The following PKIA variants were observed in gnomAD, a reference collection of about 807,000 sequenced individuals.
PKIA encodes the protein PKI-alpha.
In PKIA, 4 loss-of-function variants were observed where a neutral mutation model predicts 7.6. The ratio of observed to expected loss-of-function variants is 0.52; its 90% CI spans 0.26 to 1.20. The LOEUF (loss-of-function observed/expected upper bound fraction) is 1.20. Ranked by LOEUF, PKIA falls within the 50% of genes most tolerant of loss-of-function variation. PKIA has a pLI of 0.13. For missense variants in PKIA, 73 were observed against 86.2 expected, an observed-to-expected ratio of 0.85 and a Z score of 0.61; for synonymous variants, 21 against 30.7, an observed-to-expected ratio of 0.68 and a Z score of 1.04.
At chr8:78,537,539 G>A (rs117128341) in intron 1 of PKIA, among the ~76,000 whole-genome samples, 4,748 of 152,026 alleles carry the variant, frequency 0.031, 106 homozygotes, top group Middle Eastern at 0.041. Flanking sequence ...GTTTCTATGC[G>A]ATAACCGATA....
chr8:78,580,803 TA>T (rs1309720876), intron 2 of PKIA, among the ~76,000 whole-genome samples: 2 of 152,040 alleles, frequency 1.3e-5, no homozygotes, highest in Non-Finnish European at 2.9e-5. Context: ...TGAAGTATGA[TA>T]TAGGCAAAAG....
chr8:78,548,672 A>C (rs955411881), intron 1 of PKIA, among the ~76,000 whole-genome samples: 48 of 152,238 alleles, frequency 3.2e-4, no homozygotes, highest in Non-Finnish European at 1.0e-4. Flanking sequence ...TAATTTCTGG[A>C]GACAAATAGG....
At chr8:78,597,589 C>A (rs961044723) in intron 2 of PKIA, among the ~76,000 whole-genome samples, 1 of 151,784 alleles carries the variant, frequency 6.6e-6, no homozygotes, top group Non-Finnish European at 1.5e-5. Context: ...TTAGCACCCC[C>A]CACCTGATCT....
At position 78,602,580 on chromosome 8, in the gene PKIA, G is replaced by A. The variant is rs1808374305; in HGVS notation, c.*759G>A. 6.6e-6 allele frequency: 1 copy of A among 151,944 alleles called. No homozygotes were observed. The highest frequency in any genetic ancestry group is 2.4e-5 in the African/African-American group (1 of 41,220). 9.4% of individuals were successfully genotyped at this position (151,944 alleles called of 1,614,324 possible). A position where few individuals can be genotyped will look rare whatever the true frequency, so the allele number is the denominator to read the frequency against. On this transcript the variant is annotated 3_prime_UTR_variant, in exon 4 of 4. Transcript: ENST00000396418. Reference sequence around the variant, plus strand: ...CCATTGCTTTATTATAGAGACATTTGAAAATATCCATTAATGTGAATATCA... The same window carrying A: ...CCATTGCTTTATTATAGAGACATTTAAAAATATCCATTAATGTGAATATCA...
intron 1 of PKIA, among the ~76,000 whole-genome samples, chr8:78,543,239 G>A (rs1806740695): frequency 6.6e-6 from 1 of 152,188 alleles, no homozygotes; most frequent in South Asian, 2.1e-4. Flanking sequence ...CAGATTCCTT[G>A]TAGCATTGCT....
intron 1 of PKIA, among the ~76,000 whole-genome samples, chr8:78,522,689 A>G (rs1178743126): frequency 6.6e-6 from 1 of 151,966 alleles, no homozygotes; most frequent in Non-Finnish European, 1.5e-5. Flanking sequence ...AAAGTGCATC[A>G]TAGATGTCAG....
intron 1 of PKIA, among the ~76,000 whole-genome samples, chr8:78,551,847 C>T (rs982447285): frequency 6.6e-6 from 1 of 151,896 alleles, no homozygotes; most frequent in Admixed American, 6.6e-5. Flanking sequence ...ATCTCTGTTT[C>T]CTTGGTTTTA....
intron 1 of PKIA, among the ~76,000 whole-genome samples, chr8:78,565,041 C>A (rs770897524): frequency 6.6e-6 from 1 of 150,854 alleles, no homozygotes; most frequent in Non-Finnish European, 1.5e-5. Context: ...TTTTTTTGGC[C>A]CCTTTTTAAA....
At chr8:78,599,359 A>G (rs1404761878) in intron 3 of PKIA, among the ~76,000 whole-genome samples, 3 of 152,096 alleles carry the variant, frequency 2.0e-5, no homozygotes, top group Non-Finnish European at 4.4e-5. Context: ...AGCACTTATC[A>G]CAGTTTCTGA....
chr8:78,525,440 A>C (rs1016951923), intron 1 of PKIA, among the ~76,000 whole-genome samples: 1 of 152,022 alleles, frequency 6.6e-6, no homozygotes, highest in Non-Finnish European at 1.5e-5. Context: ...CTATTTCACC[A>C]CAAAATTCAA....
intron 1 of PKIA, among the ~76,000 whole-genome samples, chr8:78,551,500 T>C (rs151305135): frequency 6.6e-6 from 1 of 152,198 alleles, no homozygotes; most frequent in East Asian, 1.9e-4. Context: ...GCTGTAAACT[T>C]AAACTGTAAT....
At chr8:78,545,712 A>C (rs1294424408) in intron 1 of PKIA, among the ~76,000 whole-genome samples, 1 of 152,144 alleles carries the variant, frequency 6.6e-6, no homozygotes, top group Non-Finnish European at 1.5e-5. Flanking sequence ...GGAGATTTAA[A>C]GTATTTTTCT....
intron 2 of PKIA, among the ~76,000 whole-genome samples, chr8:78,575,178 A>G (rs1807644262): frequency 1.3e-5 from 2 of 151,994 alleles, no homozygotes; most frequent in Non-Finnish European, 2.9e-5. Flanking sequence ...GTTATGAAAC[A>G]TAATAAAAAT....
At chr8:78,597,668 A>G (rs772354284) in intron 2 of PKIA, among the ~76,000 whole-genome samples, 5 of 152,232 alleles carry the variant, frequency 3.3e-5, no homozygotes, top group Admixed American at 2.0e-4. Context: ...AATGTAAACT[A>G]AATGTCAACA....
intron 1 of PKIA, among the ~76,000 whole-genome samples, chr8:78,569,394 T>C (rs1256983725): frequency 6.6e-6 from 1 of 152,112 alleles, no homozygotes; most frequent in African/African-American, 2.4e-5. Flanking sequence ...GCTAAACTTC[T>C]ACCTCATCTG....
chr8:78,580,443 G>A (rs986358384), intron 2 of PKIA, among the ~76,000 whole-genome samples: 3 of 151,882 alleles, frequency 2.0e-5, no homozygotes, highest in East Asian at 1.9e-4. Flanking sequence ...AAAGCCATTC[G>A]ATGAGGCCTA....
intron 1 of PKIA, among the ~76,000 whole-genome samples, chr8:78,536,785 T>C (rs543677725): frequency 6.6e-6 from 1 of 151,860 alleles, no homozygotes; most frequent in South Asian, 2.1e-4. Flanking sequence ...GATTACAAAA[T>C]AGATTACAAC....
At chr8:78,560,029 TATC>T (rs1293293255) in intron 1 of PKIA, among the ~76,000 whole-genome samples, 8 of 152,234 alleles carry the variant, frequency 5.3e-5, no homozygotes, top group African/African-American at 1.9e-4. Context: ...GCATATTTGA[TATC>T]ATTTTGACTT....
chr8:78,577,120 T>G lies in PKIA; in HGVS notation c.-28+4181T>G, dbSNP rs1269995987. ...ACCATATGTTCTCACTTTTTTTTAATTATACTTTAAGTTCTAGGGTACATG... is the reference window on the plus strand; with the variant it reads ...ACCATATGTTCTCACTTTTTTTTAAGTATACTTTAAGTTCTAGGGTACATG... On this transcript the variant is annotated intron_variant, in intron 2 of 3. Transcript: ENST00000396418. Among the ~76,000 whole-genome samples, 3 of 152,138 alleles carry G rather than the reference T, an allele frequency of 2.0e-5. No individual in the cohort carries two copies. The East Asian group carries it at 5.8e-4, about 29-fold the overall frequency.
Sources: gnomAD v4.1 joint callset for allele counts (sites outside exome capture counted in the v4.1 genomes callset) on GRCh38, gnomAD v4.1.1 for gene constraint, MANE v1.5 for transcripts, NCBI Gene and HGNC (gene_info 2026-07-23, HGNC 2026-07-21) for gene names.